The following LAMA3 variants were observed in gnomAD, a reference collection of about 807,000 sequenced individuals.
LAMA3 encodes the protein laminin subunit alpha-3.
LAMA3 carries 281 observed loss-of-function variants against 402.0 expected under a neutral mutation model. The observed-to-expected ratio is 0.70, with a 90% CI of 0.63 to 0.77. The LOEUF (loss-of-function observed/expected upper bound fraction) is 0.77. LAMA3 is among the 30% of genes least tolerant of loss of function. The pLI, the probability that LAMA3 is intolerant of heterozygous loss-of-function variation, is 0.00. For synonymous variants in LAMA3, 1,431 were observed against 1,558.4 expected (o/e 0.92, Z 1.93); for missense variants, 3,840 against 4,215.5 (o/e 0.91, Z 2.47).
At chr18:23,884,047 G>GGTGTGTGTGT (rs60711151) in intron 40 of LAMA3, among the ~76,000 whole-genome samples, 9 of 138,892 alleles carry the variant, frequency 6.5e-5, no homozygotes, top group African/African-American at 1.8e-4. Flanking sequence ...TGGTCTCTTT[G>GGTGTGTGTGT]GTGTGTGTGT....
chr18:23,946,112 A>T (rs1217112181), intron 69 of LAMA3, 32 bp from the exon 70 acceptor site: 1 of 1,606,258 alleles, frequency 6.2e-7, no homozygotes, highest in African/African-American at 1.3e-5. Context: ...CAAAGGTAAA[A>T]ATACAACTCA....
chr18:23,909,347 A>T, intron 55 of LAMA3, 52 bp downstream of exon 55: 2 of 1,519,630 alleles, frequency 1.3e-6, no homozygotes, highest in Non-Finnish European at 9.1e-7. Flanking sequence ...TTAATGAGTT[A>T]TCACATTTAT....
chr18:23,793,864 C>T (rs986341800), intron 12 of LAMA3, among the ~76,000 whole-genome samples: 3 of 152,216 alleles, frequency 2.0e-5, no homozygotes, highest in Admixed American at 6.5e-5. Flanking sequence ...AAGCCTGGGC[C>T]TCTGGAACTT....
At chr18:23,941,282 T>C (rs971137718) in intron 68 of LAMA3, among the ~76,000 whole-genome samples, 92 of 127,146 alleles carry the variant, frequency 7.2e-4, no homozygotes, top group Non-Finnish European at 1.2e-3. Flanking sequence ...TTCCCCAGCC[T>C]CCCGCCTCTG....
chr18:23,751,065 C>A lies in LAMA3; in HGVS notation c.832C>A (p.Arg278=), dbSNP rs767763498. The A allele has an allele frequency of 1.9e-6, 3 of 1,613,942 alleles. No homozygotes were observed. The African/African-American group carries it at 4.0e-5, about 22-fold the overall frequency. ...TGGACACCTCATCTCCAAAGCCCAG[C>A]GAGATCCAACTGTCACTCGGCGGGT... ...LLGHLISKAQ[R]DPTVTRRYYY... is the part of the protein sequence containing the mutation. Residue 278 remains arginine (R), a synonymous_variant, in exon 5 of 75, where the codon CGA becomes AGA. Transcript: ENST00000313654.
In LAMA3 at chr18:23,903,856, T is replaced by C. The variant is rs2081152778; in HGVS notation, c.6319-77T>C. 6 of 1,179,742 alleles carry C rather than the reference T, an allele frequency of 5.1e-6. No individual in the cohort carries two copies. The South Asian group carries it at 7.4e-5, about 14-fold the overall frequency. The allele number at this position is 1,179,742 out of a possible 1,614,324, so 73.1% of individuals were successfully genotyped here. On this transcript the variant is annotated intron_variant, in intron 49 of 74. Coordinates refer to ENST00000313654, the MANE Select transcript of LAMA3 (RefSeq NM_198129.4). ...ATTGTTGCCCCAGAAACACATCAGT[T>C]ATGATAGAGTTTGAGAAATCAGCAC...
chr18:23,894,669 T>C (rs943882234), intron 43 of LAMA3, among the ~76,000 whole-genome samples: 2 of 152,230 alleles, frequency 1.3e-5, no homozygotes, highest in African/African-American at 4.8e-5. Context: ...GCTATTATTA[T>C]TTTCCTTATG....
intron 1 of LAMA3, among the ~76,000 whole-genome samples, chr18:23,692,429 G>A (rs1440410470): frequency 2.6e-5 from 4 of 151,998 alleles, no homozygotes; most frequent in Non-Finnish European, 5.9e-5. Flanking sequence ...CTGCCACCAC[G>A]CCCAGCTAAT....
chr18:23,822,212 C>A (rs1039665772), intron 19 of LAMA3, 40 bp from the exon 20 acceptor site: 1 of 1,612,078 alleles, frequency 6.2e-7, no homozygotes, highest in African/African-American at 1.3e-5. Context: ...GTCTTTTAAC[C>A]ATTTTTTTCT....
intron 21 of LAMA3, among the ~76,000 whole-genome samples, chr18:23,824,897 A>G (rs894371560): frequency 2.0e-5 from 3 of 152,236 alleles, no homozygotes; most frequent in African/African-American, 7.2e-5. Flanking sequence ...CAAAGCTTGT[A>G]TGGGATTTTC....
intron 57 of LAMA3, 51 bp downstream of exon 57, chr18:23,914,612 T>A (rs1350949073): frequency 6.2e-7 from 1 of 1,610,088 alleles, no homozygotes; most frequent in South Asian, 1.1e-5. Flanking sequence ...CATGTATACA[T>A]GTTGCTGAAC....
Position 23,814,459 on chromosome 18 carries a change from G to A in LAMA3, c.1845G>A (p.Leu615=), listed in dbSNP as rs756928245. ...VEGPTCSRCK[L]LYWNLDKENP... is the part of the protein sequence containing the mutation. ...GTCCTACTTGTAGCCGCTGCAAACT[G>A]TTATATTGGAATCTGGACAAAGAAA... The change falls in exon 15 of 75, where the codon CTG becomes CTA. Residue 615 remains leucine (L), a synonymous_variant. Coordinates refer to ENST00000313654, the MANE Select transcript of LAMA3 (RefSeq NM_198129.4). 4 of 1,613,948 alleles carry A rather than the reference G, an allele frequency of 2.5e-6. No individual in the cohort carries two copies. Among genetic ancestry groups the A allele is most frequent in the Non-Finnish European group, 3.4e-6 (4 of 1,179,842 alleles).
chr18:23,833,398 A>C (rs1046750432), intron 23 of LAMA3, among the ~76,000 whole-genome samples: 4 of 152,182 alleles, frequency 2.6e-5, no homozygotes, highest in Non-Finnish European at 1.5e-5. Flanking sequence ...CTTATTAAAA[A>C]AAAAACAATT....
At chr18:23,941,495 A>G (rs2082520946) in intron 68 of LAMA3, among the ~76,000 whole-genome samples, 1 of 152,116 alleles carries the variant, frequency 6.6e-6, no homozygotes, top group Non-Finnish European at 1.5e-5. Context: ...CAGTAAATAT[A>G]ATTTTCAACT....
chr18:23,738,693 G>T (rs982800730), intron 2 of LAMA3, among the ~76,000 whole-genome samples: 1 of 152,210 alleles, frequency 6.6e-6, no homozygotes, highest in African/African-American at 2.4e-5. Context: ...CCCTGAGCCT[G>T]GACAGGGGAC....
intron 20 of LAMA3, among the ~76,000 whole-genome samples, chr18:23,823,610 C>T (rs545605090): frequency 5.8e-4 from 88 of 152,296 alleles, no homozygotes; most frequent in African/African-American, 1.9e-3. Flanking sequence ...AAAGGCCATG[C>T]TTACTGTGTT....
chr18:23,903,031 C>A lies in LAMA3; in HGVS notation c.6224C>A (p.Ser2075Tyr). 6.2e-7 allele frequency: 1 copy of A among 1,609,000 alleles called. No homozygotes were observed. Among genetic ancestry groups the A allele is most frequent in the East Asian group, 2.2e-5 (1 of 44,842 alleles). Reference sequence around the variant, plus strand: ...CAGAGACAAGTGAAAGAAATAAATTCCCTGCAGAGTGATTTCACCAAGTAT... The same window carrying A: ...CAGAGACAAGTGAAAGAAATAAATTACCTGCAGAGTGATTTCACCAAGTAT... ...AIQRQVKEIN[S>Y]LQSDFTKYLT... is the part of the protein sequence containing the mutation. Residue 2075 changes from serine to tyrosine, a missense_variant, in exon 49 of 75, where the codon TCC becomes TAC. By Grantham distance (144) the Ser-to-Tyr change is moderately radical (BLOSUM62 -2). Transcript: ENST00000313654.
intron 35 of LAMA3, among the ~76,000 whole-genome samples, chr18:23,864,240 TA>T (rs1380995213): frequency 2.0e-5 from 3 of 151,180 alleles, no homozygotes; most frequent in Non-Finnish European, 2.9e-5. Context: ...TTTTTTTTTT[TA>T]AAAGAGACAG....
In LAMA3 at chr18:23,895,002, A is replaced by T. The variant is rs1330798266; in HGVS notation, c.5557A>T (p.Ser1853Cys). 6.8e-6 allele frequency: 11 copies of T among 1,613,114 alleles called. No individual in the cohort carries two copies. Among genetic ancestry groups the T allele is most frequent in the Non-Finnish European group, 7.6e-6 (9 of 1,179,580 alleles). Reference protein sequence around the residue: ...VKSQLQGLSASAGLLEQMRHM... With the variant: ...VKSQLQGLSACAGLLEQMRHM... ...GTCTCAGCTGCAGGGCCTGAGTGCC[A>T]GCGCAGGGCTTCTGGAGCAGATGAG... Residue 1853 changes from serine to cysteine, a missense_variant, in exon 44 of 75, where the codon AGC (serine) becomes TGC (cysteine). Physicochemically the swap from Ser to Cys is moderately radical, Grantham distance 112. This residue lies in a region of LAMA3 where 891 missense variants were observed against 857.5 expected (regional missense o/e 1.04). Coordinates refer to ENST00000313654, the MANE Select transcript of LAMA3 (RefSeq NM_198129.4).
Sources: gnomAD v4.1 joint callset for allele counts (sites outside exome capture counted in the v4.1 genomes callset) on GRCh38, gnomAD v4.1.1 for gene constraint, gnomAD v4.1.1 regional missense constraint, MANE v1.5 for transcripts, NCBI Gene and HGNC (gene_info 2026-07-23, HGNC 2026-07-21) for gene names.